IBTK: variants seen among roughly 807,000 people sequenced by gnomAD.
The protein encoded by IBTK is inhibitor of Bruton tyrosine kinase, also known as BTK-binding protein.
A neutral mutation model predicts 154.9 loss-of-function variants in IBTK; 83 were observed. That is an observed-to-expected ratio of 0.54 (90% CI 0.45 to 0.64). IBTK has a LOEUF of 0.64. Among genes scored for constraint, IBTK ranks in the 30% least tolerant of loss-of-function variants. IBTK has a pLI of 0.00. For synonymous variants in IBTK, 515 were observed against 536.1 expected (o/e 0.96, Z 0.54); for missense variants, 1,332 against 1,584.6 (o/e 0.84, Z 2.71).
chr6:82,215,644 G>T (rs1769839895), intron 11 of IBTK, among the ~76,000 whole-genome samples: 1 of 151,872 alleles, frequency 6.6e-6, no homozygotes, highest in South Asian at 2.1e-4. Context: ...AAAATTAGCT[G>T]GGTGTGGTGG....
chr6:82,207,629 C>A (rs1215490747), intron 16 of IBTK, among the ~76,000 whole-genome samples: 1 of 152,064 alleles, frequency 6.6e-6, no homozygotes, highest in African/African-American at 2.4e-5. Flanking sequence ...ATAGCCAATA[C>A]AATCTTGAAA....
In IBTK at chr6:82,211,558, T is replaced by C; in HGVS notation, c.2306A>G (p.Asp769Gly). 1 of 1,613,350 alleles carries C rather than the reference T, an allele frequency of 6.2e-7. No individual in the cohort carries two copies. The highest frequency in any genetic ancestry group is 8.5e-7 in the Non-Finnish European group (1 of 1,179,384). ...LSQKKCSFLC[D>G]VTMKSVDGKE... ...TCCATCCACTGATTTCATGGTCACG[T>C]CACACAGAAATGAACTGCAAGAAAA... Residue 769 changes from aspartate (D) to glycine (G), a missense_variant, in exon 14 of 29, where the codon GAC becomes GGC. Transcript: ENST00000306270.
chr6:82,235,740 C>T (rs1017839723), intron 2 of IBTK, among the ~76,000 whole-genome samples: 16 of 152,118 alleles, frequency 1.1e-4, no homozygotes, highest in African/African-American at 3.1e-4. Context: ...GTTTATTCTG[C>T]GAGGTATCTG....
Position 82,240,598 on chromosome 6 carries a change from T to TTA in IBTK, c.-113_-112insTA. The TTA allele has an allele frequency of 1.2e-6, 1 of 821,402 alleles. No homozygotes were observed. Among genetic ancestry groups the TTA allele is most frequent in the South Asian group, 1.8e-5 (1 of 56,368 alleles). The allele number at this position is 821,402 out of a possible 1,614,324, so 50.9% of individuals were successfully genotyped here. The stretch of plus-strand genomic sequence containing the variant: ...GAAGTTACAGAGAATAAATTACCTT[T>TTA]TTAGGATAATTTAAATCCTCCTGAC... On this transcript the variant is annotated 5_prime_UTR_variant, in exon 2 of 29. Coordinates refer to ENST00000306270, the MANE Select transcript of IBTK (RefSeq NM_015525.4).
chr6:82,171,891 A>T (rs1001842867), intron 28 of IBTK, among the ~76,000 whole-genome samples: 3 of 152,160 alleles, frequency 2.0e-5, no homozygotes, highest in African/African-American at 7.2e-5. Flanking sequence ...AAGTCTTCTA[A>T]ATCTTGCTTC....
chr6:82,223,636 A>G lies in IBTK; in HGVS notation c.944-16T>C, dbSNP rs1251804958. ...AGCAAACAACCTAAAAAATGATACA[A>G]ATAAGCAAATCACAAAATAGCTCTT... On this transcript the variant is annotated splice_polypyrimidine_tract_variant and intron_variant, in intron 7 of 28. Coordinates refer to ENST00000306270, the MANE Select transcript of IBTK (RefSeq NM_015525.4). 6.2e-7 allele frequency: 1 copy of G among 1,605,522 alleles called. No homozygotes were observed. Among genetic ancestry groups the G allele is most frequent in the East Asian group, 2.2e-5 (1 of 44,808 alleles).
At chr6:82,236,169 C>T (rs943416528) in intron 2 of IBTK, among the ~76,000 whole-genome samples, 1 of 152,120 alleles carries the variant, frequency 6.6e-6, no homozygotes. Context: ...CCACCATGCC[C>T]GGCCATTGTT....
chr6:82,175,868 A>G (rs1231532643), intron 26 of IBTK, among the ~76,000 whole-genome samples: 1 of 151,890 alleles, frequency 6.6e-6, no homozygotes, highest in Non-Finnish European at 1.5e-5. Flanking sequence ...CATCTCTACT[A>G]AAAATACAAA....
intron 26 of IBTK, among the ~76,000 whole-genome samples, chr6:82,177,982 A>G (rs1478957771): frequency 1.3e-5 from 2 of 152,244 alleles, no homozygotes; most frequent in African/African-American, 2.4e-5. Flanking sequence ...AACACAGGCC[A>G]GTACCAGGTA....
intron 4 of IBTK, among the ~76,000 whole-genome samples, chr6:82,228,685 C>A (rs487204): frequency 0.74 from 111,334 of 151,322 alleles, 41,482 homozygotes; most frequent in East Asian, 0.96. Context: ...GCAGTGGCGC[C>A]ATCTCGGTTC....
intron 3 of IBTK, among the ~76,000 whole-genome samples, chr6:82,233,564 T>C (rs1770597441): frequency 6.6e-6 from 1 of 152,090 alleles, no homozygotes; most frequent in Non-Finnish European, 1.5e-5. Context: ...GTTCTGAATA[T>C]GAAACAAAAA....
chr6:82,174,352 TAAAAC>T (rs1266646276), intron 26 of IBTK, among the ~76,000 whole-genome samples: 3 of 152,032 alleles, frequency 2.0e-5, no homozygotes, highest in African/African-American at 2.4e-5. Context: ...TAAGCAATGA[TAAAAC>T]AATGTATAAA....
Position 82,240,245 on chromosome 6 carries a change from T to C in IBTK, c.242A>G (p.Lys81Arg). The change falls in exon 2 of 29, where the codon AAA (lysine) becomes AGA (arginine). Residue 81 changes from lysine (K) to arginine (R), a missense_variant. Lys to Arg is a conservative substitution (Grantham distance 26, BLOSUM62 2). Coordinates refer to ENST00000306270, the MANE Select transcript of IBTK (RefSeq NM_015525.4). ...LIQKGVDLLV[K>R]DKESGWTALH... is the part of the protein sequence containing the mutation. ...TGCTGTCCATCCAGACTCTTTGTCT[T>C]TCACCAACAGATCCACTCCTTTCTG... 2 of 1,614,258 alleles carry C rather than the reference T, an allele frequency of 1.2e-6. No homozygotes were observed. The highest frequency in any genetic ancestry group is 1.3e-5 in the African/African-American group (1 of 75,074).
chr6:82,246,689 C>T (rs755316981), intron 1 of IBTK, among the ~76,000 whole-genome samples: 6 of 152,074 alleles, frequency 3.9e-5, no homozygotes, highest in Non-Finnish European at 8.8e-5. Flanking sequence ...CCAGTTTTGT[C>T]CTCATCTACC....
At chr6:82,210,208 A>G (rs1562090459) in intron 16 of IBTK, 1 of 152,234 alleles carries the variant, frequency 6.6e-6, no homozygotes, top group Non-Finnish European at 1.5e-5. Context: ...AAAACAGGTA[A>G]GAAAGAACTT....
chr6:82,230,344 G>T (rs1770459683), intron 4 of IBTK, among the ~76,000 whole-genome samples: 1 of 152,148 alleles, frequency 6.6e-6, no homozygotes, highest in Non-Finnish European at 1.5e-5. Flanking sequence ...AATTTAGGAA[G>T]ACTGAAAAAG....
chr6:82,200,208 T>C lies in IBTK; in HGVS notation c.2958A>G (p.Pro986=), dbSNP rs1241830571. 10 of 1,613,846 alleles carry C rather than the reference T, an allele frequency of 6.2e-6. No individual in the cohort carries two copies. Among genetic ancestry groups the C allele is most frequent in the Middle Eastern group, 3.3e-4 (2 of 6,058 alleles). The part of the protein sequence containing the change: ...KKAKTKAKKK[P]RKRSDSSGGY... Reference sequence around the variant, plus strand: ...CTCCAGAACTATCTGAACGTTTACGTGGCTTCTTTTTAGCTTTTGTTTTTG... The same window carrying C: ...CTCCAGAACTATCTGAACGTTTACGCGGCTTCTTTTTAGCTTTTGTTTTTG... Residue 986 remains proline, a synonymous_variant, in exon 21 of 29, where the codon CCA becomes CCG. Transcript: ENST00000306270.
At chr6:82,201,276 C>T (rs948544668) in intron 19 of IBTK, 146 bp downstream of exon 19, 4 of 461,372 alleles carry the variant, frequency 8.7e-6, no homozygotes, top group Non-Finnish European at 1.6e-5. Flanking sequence ...TCTGTGAGAT[C>T]TGTAAAGGAA....
chr6:82,214,404 T>C lies in IBTK; in HGVS notation c.2027A>G (p.Asp676Gly). ...TTCAAATGCAGACTTCTGGTTATCA[T>C]CTTCATGGAAATTCACTTTATTCAA... ...SHLNKVNFHEDDNQKSAFEVY... is the reference protein window; with the variant it reads ...SHLNKVNFHEGDNQKSAFEVY... The change falls in exon 12 of 29, where the codon GAT becomes GGT. Residue 676 changes from aspartate (D) to glycine (G), a missense_variant. By Grantham distance (94) the Asp-to-Gly change is moderately conservative. This residue lies in a region of IBTK where 1,134 missense variants were observed against 1,274.7 expected (regional missense o/e 0.89). Coordinates refer to ENST00000306270, the MANE Select transcript of IBTK (RefSeq NM_015525.4). 6.2e-7 allele frequency: 1 copy of C among 1,614,028 alleles called. No individual in the cohort carries two copies. Among genetic ancestry groups the C allele is most frequent in the Non-Finnish European group, 8.5e-7 (1 of 1,179,924 alleles).
Sources: gnomAD v4.1 joint callset for allele counts (sites outside exome capture counted in the v4.1 genomes callset) on GRCh38, gnomAD v4.1.1 for gene constraint, gnomAD v4.1.1 regional missense constraint, MANE v1.5 for transcripts, NCBI Gene and HGNC (gene_info 2026-07-23, HGNC 2026-07-21) for gene names.